Variants in RALGAPA1 observed in about 807,000 individuals in gnomAD.
RALGAPA1 encodes Ral GTPase activating protein catalytic subunit alpha 1.
A neutral mutation model predicts 269.6 loss-of-function variants in RALGAPA1; 52 were observed. That is an observed-to-expected ratio of 0.19 (90% CI 0.15 to 0.24). The LOEUF (loss-of-function observed/expected upper bound fraction) is 0.24, where lower values mean the gene tolerates loss of function less well. Ranked by LOEUF, RALGAPA1 falls within the 10% of genes least tolerant of loss-of-function variation. The probability of loss-of-function intolerance (pLI) is 1.00; values close to 1 mark genes in which losing one functional copy is unlikely to be tolerated. For synonymous variants in RALGAPA1, 817 were observed against 1,008.3 expected, an observed-to-expected ratio of 0.81 and a Z score of 3.60; for missense variants, 1,917 against 3,013.9, an observed-to-expected ratio of 0.64 and a Z score of 8.52.
chr14:35,636,709 C>T (rs1288041375), intron 31 of RALGAPA1, among the ~76,000 whole-genome samples: 3 of 151,964 alleles, frequency 2.0e-5, no homozygotes, highest in Non-Finnish European at 2.9e-5. Flanking sequence ...TTAGGAGAGA[C>T]GAGGTTTTGC....
intron 1 of RALGAPA1, among the ~76,000 whole-genome samples, chr14:35,806,203 T>C (rs77115417): frequency 0.011 from 1,624 of 152,312 alleles, 29 homozygotes; most frequent in African/African-American, 0.037. Flanking sequence ...TAAGCACTTT[T>C]TATTTTTATA....
intron 16 of RALGAPA1, among the ~76,000 whole-genome samples, chr14:35,701,599 T>C (rs1390849873): frequency 6.6e-6 from 1 of 152,310 alleles, no homozygotes; most frequent in South Asian, 2.1e-4. Flanking sequence ...CTTCCTGATA[T>C]ACTCCTTCAT....
At chr14:35,675,455 C>T (rs1002416946) in intron 22 of RALGAPA1, among the ~76,000 whole-genome samples, 1 of 152,144 alleles carries the variant, frequency 6.6e-6, no homozygotes, top group South Asian at 2.1e-4. Context: ...GGATTACAGG[C>T]GTGAGCCACC....
chr14:35,546,664 GA>G (rs1350046774), intron 41 of RALGAPA1, among the ~76,000 whole-genome samples: 1 of 152,008 alleles, frequency 6.6e-6, no homozygotes. Context: ...TTGCAATTAT[GA>G]ATCCATTTTT....
intron 39 of RALGAPA1, among the ~76,000 whole-genome samples, chr14:35,566,901 T>TGC (rs2139390589): frequency 6.7e-6 from 1 of 148,404 alleles, no homozygotes; most frequent in Non-Finnish European, 1.5e-5. Flanking sequence ...TATATATATA[T>TGC]ATATTTGTAC....
intron 1 of RALGAPA1, among the ~76,000 whole-genome samples, chr14:35,780,391 G>T (rs369992332): frequency 6.6e-6 from 1 of 152,092 alleles, no homozygotes; most frequent in African/African-American, 2.4e-5. Flanking sequence ...GACATCTATC[G>T]AATGCCCATC....
intron 38 of RALGAPA1, among the ~76,000 whole-genome samples, chr14:35,571,813 T>C (rs765248802): frequency 6.6e-6 from 1 of 152,206 alleles, no homozygotes; most frequent in African/African-American, 2.4e-5. Flanking sequence ...AACCAGGCTA[T>C]GGGCCACAGT....
At chr14:35,676,991 T>C (rs895384045) in intron 22 of RALGAPA1, 1 of 152,040 alleles carries the variant, frequency 6.6e-6, no homozygotes, top group African/African-American at 2.4e-5. Flanking sequence ...AGGTCAGAAA[T>C]AATCCACAAA....
rs1442341568 is a variant in RALGAPA1, at chr14:35,730,071, G to A, written c.1588-1561C>T. On this transcript the variant is annotated intron_variant, in intron 12 of 41. Transcript: ENST00000680220. ...CTCCAAATGCTGTGAGTGCCCAAACGGCAGAAGTGGGAAATGGAGATCCTT... is the reference window on the plus strand; with the variant it reads ...CTCCAAATGCTGTGAGTGCCCAAACAGCAGAAGTGGGAAATGGAGATCCTT... Among the ~76,000 whole-genome samples the A allele has an allele frequency of 1.3e-5, 2 of 152,134 alleles. 1 individual carries two copies. The highest frequency in any genetic ancestry group is 4.1e-4 in the South Asian group (2 of 4,820).
At chr14:35,568,401 T>C (rs1208245996) in intron 39 of RALGAPA1, among the ~76,000 whole-genome samples, 6 of 152,150 alleles carry the variant, frequency 3.9e-5, no homozygotes, top group Non-Finnish European at 8.8e-5. Context: ...ATATTCAACC[T>C]GTATTACAAT....
intron 39 of RALGAPA1, among the ~76,000 whole-genome samples, chr14:35,553,284 ATAC>A (rs1480121118): frequency 6.6e-6 from 1 of 152,162 alleles, no homozygotes; most frequent in African/African-American, 2.4e-5. Context: ...CTCTTTGATA[ATAC>A]TACTACTATT....
rs749983564 is a variant in RALGAPA1 at position 35,627,910 on chromosome 14, G to A, written c.6037C>T (p.Arg2013Cys). ...TTTACCAGATGTGTAATAACAGTGC[G>A]GGCTGCTATAGAGATTAATCCATGC... ...MQHGLISIAA[R>C]TVITHLVNHL... The change falls in exon 34 of 42, where the codon CGC becomes TGC. Residue 2013 changes from arginine (R) to cysteine (C), a missense_variant. Coordinates refer to ENST00000680220, the MANE Select transcript of RALGAPA1 (RefSeq NM_001346249.2). 9.7e-6 allele frequency: 15 copies of A among 1,553,366 alleles called. No homozygotes were observed. The highest frequency in any genetic ancestry group is 2.0e-5 in the Admixed American group (1 of 48,852).
chr14:35,764,639 G>A (rs1046998372), intron 4 of RALGAPA1, among the ~76,000 whole-genome samples: 3 of 151,936 alleles, frequency 2.0e-5, no homozygotes, highest in Non-Finnish European at 4.4e-5. Flanking sequence ...TTGACCTCCT[G>A]AGCTCAAGTA....
chr14:35,684,671 T>A (rs992420692), intron 20 of RALGAPA1, among the ~76,000 whole-genome samples: 6 of 152,122 alleles, frequency 3.9e-5, no homozygotes, highest in African/African-American at 1.4e-4. Context: ...TAAAAATAAG[T>A]GGGGCCAAGA....
intron 20 of RALGAPA1, among the ~76,000 whole-genome samples, chr14:35,684,599 A>C (rs2065757720): frequency 6.6e-6 from 1 of 152,120 alleles, no homozygotes; most frequent in Non-Finnish European, 1.5e-5. Context: ...TGGCAACATA[A>C]AGTAGCTTCA....
In RALGAPA1 at chr14:35,674,120, A is replaced by G. The variant is rs1188689261; in HGVS notation, c.4917+60T>C. On this transcript the variant is annotated intron_variant, in intron 24 of 41. Transcript: ENST00000680220. ...CTATATAATAGCCAAAATCTCTATA[A>G]AAAGTTTAAGATTTAGTAAATGAGA... The G allele has an allele frequency of 1.1e-5, 15 of 1,326,148 alleles. No homozygotes were observed. The East Asian group carries it at 3.8e-4, about 34-fold the overall frequency. The allele number at this position is 1,326,148 out of a possible 1,614,324, so 82.1% of individuals were successfully genotyped here. A position where few individuals can be genotyped will look rare whatever the true frequency, so the allele number is the denominator to read the frequency against.
At chr14:35,668,502 A>T (rs1178571201) in intron 26 of RALGAPA1, among the ~76,000 whole-genome samples, 1 of 151,934 alleles carries the variant, frequency 6.6e-6, no homozygotes, top group Non-Finnish European at 1.5e-5. Flanking sequence ...AAAAATGTAC[A>T]TTAAAAAATG....
At chr14:35,764,476 A>G (rs545852079) in intron 4 of RALGAPA1, among the ~76,000 whole-genome samples, 1 of 152,186 alleles carries the variant, frequency 6.6e-6, no homozygotes, top group East Asian at 1.9e-4. Flanking sequence ...ATCCCAAACA[A>G]TTCAATCATG....
intron 17 of RALGAPA1, 79 bp downstream of exon 17, chr14:35,700,083 T>C (rs2067220157): frequency 1.5e-6 from 2 of 1,298,026 alleles, no homozygotes; most frequent in Non-Finnish European, 2.1e-6. Flanking sequence ...TTAAAGAGTT[T>C]ATTTGATTAA....
Sources: gnomAD v4.1 joint callset for allele counts (sites outside exome capture counted in the v4.1 genomes callset) on GRCh38, gnomAD v4.1.1 for gene constraint, MANE v1.5 for transcripts, NCBI Gene and HGNC (gene_info 2026-07-23, HGNC 2026-07-21) for gene names.